Variants in BIRC6 observed in about 807,000 individuals in gnomAD.
BIRC6 encodes the protein dual E2 ubiquitin-conjugating enzyme/E3 ubiquitin-protein ligase BIRC6.
BIRC6 carries 98 observed loss-of-function variants against 503.3 expected under a neutral mutation model. The ratio of observed to expected loss-of-function variants is 0.19; its 90% CI spans 0.17 to 0.23. The LOEUF is 0.23. Ranked by LOEUF, BIRC6 falls within the 10% of genes least tolerant of loss-of-function variation. The pLI, the probability that BIRC6 is intolerant of heterozygous loss-of-function variation, is 1.00. For missense variants in BIRC6, 5,360 were observed against 5,806.0 expected (o/e 0.92, Z 2.50); for synonymous variants, 2,240 against 2,078.7 (o/e 1.08, Z -2.11).
chr2:32,606,899 C>T (rs886236535), intron 71 of BIRC6, among the ~76,000 whole-genome samples: 1 of 151,152 alleles, frequency 6.6e-6, no homozygotes, highest in East Asian at 2.0e-4. Flanking sequence ...CCCAGATTCT[C>T]GGGAGGCTGA....
chr2:32,503,505 C>T (rs934137768), intron 49 of BIRC6, among the ~76,000 whole-genome samples: 15 of 152,238 alleles, frequency 9.9e-5, no homozygotes, highest in African/African-American at 3.6e-4. Context: ...CTCACTGCAA[C>T]CTCTGCCTCC....
chr2:32,371,851 G>A (rs540461951), intron 1 of BIRC6, among the ~76,000 whole-genome samples: 45 of 152,072 alleles, frequency 3.0e-4, no homozygotes, highest in Non-Finnish European at 6.0e-4. Flanking sequence ...CGTCACCCAG[G>A]CTAGAGTGCA....
Position 32,570,255 on chromosome 2 carries a change from T to A in BIRC6, c.13145-4901T>A, listed in dbSNP as rs185826489. ...ACCATCCTTGTATCCCTGGGATAAATCATACTTGATCATGATGTATTATCT... is the reference window on the plus strand; with the variant it reads ...ACCATCCTTGTATCCCTGGGATAAAACATACTTGATCATGATGTATTATCT... On this transcript the variant is annotated intron_variant, in intron 65 of 73. Transcript: ENST00000421745. 1.2e-4 allele frequency among the ~76,000 whole-genome samples: 19 copies of A among 152,366 alleles called. No individual in the cohort carries two copies. In the East Asian group the frequency reaches 3.5e-3, roughly 28 times the overall value.
At chr2:32,529,908 G>T in intron 60 of BIRC6, 84 bp downstream of exon 60, 1 of 896,738 alleles carries the variant, frequency 1.1e-6, no homozygotes, top group Admixed American at 4.0e-5. Context: ...TAATTGACTT[G>T]TGTTTTTATT....
chr2:32,429,467 A>C (rs2043867249), intron 11 of BIRC6, among the ~76,000 whole-genome samples, 172 bp downstream of exon 11: 1 of 152,176 alleles, frequency 6.6e-6, no homozygotes, highest in Admixed American at 6.5e-5. Flanking sequence ...CATTTCAGCC[A>C]TTAATGAGCT....
In BIRC6 at chr2:32,618,038, G is replaced by A. The variant is rs1225892692; in HGVS notation, c.*134G>A. ...TATACTATGCCCTTAAGGAGATCCA[G>A]TTTAATTCAAGGTGATCTTTTATTT... On this transcript the variant is annotated 3_prime_UTR_variant, in exon 74 of 74. Transcript: ENST00000421745. 9.1e-6 allele frequency: 8 copies of A among 875,880 alleles called. No homozygotes were observed. The East Asian group carries it at 1.3e-4, about 15-fold the overall frequency. The allele number at this position is 875,880 out of a possible 1,614,324, so 54.3% of individuals were successfully genotyped here.
intron 40 of BIRC6, among the ~76,000 whole-genome samples, chr2:32,486,192 G>T (rs1173296978): frequency 6.6e-6 from 1 of 152,214 alleles, no homozygotes; most frequent in African/African-American, 2.4e-5. Flanking sequence ...AGGCCTGTTA[G>T]TTGAAAGCCA....
rs190554807 is a variant in BIRC6 at position 32,587,292 on chromosome 2, C to A, written c.13356-6623C>A. Among the ~76,000 whole-genome samples the A allele has an allele frequency of 5.9e-5, 9 of 152,258 alleles. No individual in the cohort carries two copies. In the East Asian group the frequency reaches 1.5e-3, roughly 26 times the overall value. On this transcript the variant is annotated intron_variant, in intron 66 of 73. Coordinates refer to ENST00000421745, the MANE Select transcript of BIRC6 (RefSeq NM_016252.4). ...GTCCCAGCTACTCGGGAGGCTGAGGCAGGAGAATCATTTGAACCCGGGAGG... is the reference window on the plus strand; with the variant it reads ...GTCCCAGCTACTCGGGAGGCTGAGGAAGGAGAATCATTTGAACCCGGGAGG...
At chr2:32,443,082 A>C (rs2045596585) in intron 19 of BIRC6, among the ~76,000 whole-genome samples, 1 of 152,254 alleles carries the variant, frequency 6.6e-6, no homozygotes, top group African/African-American at 2.4e-5. Context: ...TACTATGATA[A>C]AAGTTACATG....
At chr2:32,437,998 C>T (rs1285003517) in intron 15 of BIRC6, among the ~76,000 whole-genome samples, 11 of 152,096 alleles carry the variant, frequency 7.2e-5, no homozygotes, top group Non-Finnish European at 1.5e-4. Flanking sequence ...CCCTGTGTTG[C>T]CCAGGCTGGT....
chr2:32,496,543 A>C (rs1558890490), intron 45 of BIRC6, among the ~76,000 whole-genome samples: 1 of 152,142 alleles, frequency 6.6e-6, no homozygotes, highest in Non-Finnish European at 1.5e-5. Flanking sequence ...CATACAGTGT[A>C]TTATATAGAA....
At chr2:32,585,594 A>G (rs1231487660) in intron 66 of BIRC6, among the ~76,000 whole-genome samples, 1 of 152,078 alleles carries the variant, frequency 6.6e-6, no homozygotes, top group Non-Finnish European at 1.5e-5. Context: ...TGGCCAGGCT[A>G]TTCGTGAACT....
At chr2:32,486,038 A>G (rs925365800) in intron 40 of BIRC6, among the ~76,000 whole-genome samples, 1 of 152,248 alleles carries the variant, frequency 6.6e-6, no homozygotes, top group Admixed American at 6.5e-5. Flanking sequence ...TGTAAGGTTA[A>G]TAAAATTCCT....
intron 1 of BIRC6, among the ~76,000 whole-genome samples, chr2:32,373,435 T>C (rs2036260114): frequency 6.6e-6 from 1 of 152,184 alleles, no homozygotes; most frequent in Non-Finnish European, 1.5e-5. Context: ...CTATTGCATA[T>C]ATGGTCAAAT....
intron 29 of BIRC6, among the ~76,000 whole-genome samples, chr2:32,469,068 T>C (rs1485413705): frequency 6.6e-6 from 1 of 152,196 alleles, no homozygotes; most frequent in Non-Finnish European, 1.5e-5. Flanking sequence ...AGTGAAACTT[T>C]TCATAAATTG....
rs145837722 is a variant in BIRC6, at chr2:32,597,567, G to A, written c.13613-184G>A. ...TGAAAGACAAGAGTCCATCCATCTG[G>A]CAGTGCTAATCCATCTGGCAGTGCT... On this transcript the variant is annotated intron_variant, in intron 68 of 73. Coordinates refer to ENST00000421745, the MANE Select transcript of BIRC6 (RefSeq NM_016252.4). 3.9e-3 allele frequency among the ~76,000 whole-genome samples: 594 copies of A among 152,180 alleles called. 4 individuals are homozygous for A. The highest frequency in any genetic ancestry group is 5.8e-3 in the Non-Finnish European group (394 of 67,996).
intron 73 of BIRC6, among the ~76,000 whole-genome samples, chr2:32,613,961 G>A (rs1420477990): frequency 6.6e-6 from 1 of 151,978 alleles, no homozygotes; most frequent in Non-Finnish European, 1.5e-5. Context: ...CTCTAAAAGT[G>A]ACACTTCAAA....
At chr2:32,377,211 ATATG>A (rs1553379461) in intron 1 of BIRC6, among the ~76,000 whole-genome samples, 207 of 138,324 alleles carry the variant, frequency 1.5e-3, no homozygotes, top group African/African-American at 5.5e-3. Flanking sequence ...CCCTTAATAT[ATATG>A]TGTGTGTGTG....
In BIRC6 at chr2:32,357,864, G is replaced by C. The variant is rs1202068773; in HGVS notation, c.325+378G>C. Among the ~76,000 whole-genome samples the C allele has an allele frequency of 1.3e-5, 2 of 152,162 alleles. No homozygotes were observed. The highest frequency in any genetic ancestry group is 4.8e-5 in the African/African-American group (2 of 41,436). On this transcript the variant is annotated intron_variant, in intron 1 of 73. Transcript: ENST00000421745. The surrounding 1 kb of genome is among the most constrained non-coding windows in gnomAD (Gnocchi z 4.9). ...GCGTCCGGTTAGATGAGAGCGAAAG[G>C]CTGGAAGGGTTGACCCCGGGCGGAG...
Sources: gnomAD v4.1 joint callset for allele counts (sites outside exome capture counted in the v4.1 genomes callset) on GRCh38, gnomAD v4.1.1 for gene constraint, Gnocchi (gnomAD v3.1) non-coding constraint, MANE v1.5 for transcripts, NCBI Gene and HGNC (gene_info 2026-07-23, HGNC 2026-07-21) for gene names.